The following EIF4G3 variants were observed in gnomAD, a reference collection of about 807,000 sequenced individuals.
EIF4G3 encodes eIF-4-gamma 3.
Under a neutral mutation model 186.4 loss-of-function variants are expected in EIF4G3, and 34 were observed. That is an observed-to-expected ratio of 0.18 (90% CI 0.14 to 0.24). EIF4G3 has a LOEUF of 0.24. EIF4G3 is among the 10% of genes least tolerant of loss of function. The probability of loss-of-function intolerance (pLI) is 1.00; values close to 1 mark genes in which losing one functional copy is unlikely to be tolerated. For synonymous variants in EIF4G3, 673 were observed against 679.5 expected (o/e 0.99, Z 0.15); for missense variants, 1,536 against 1,948.5 (o/e 0.79, Z 3.99).
intron 2 of EIF4G3, among the ~76,000 whole-genome samples, chr1:21,118,183 A>G (rs1473773276): frequency 6.6e-6 from 1 of 152,220 alleles, no homozygotes; most frequent in African/African-American, 2.4e-5. Context: ...TATGAAGTTA[A>G]CAGTTCATTG....
chr1:21,106,982 G>A (rs997273182), intron 2 of EIF4G3, among the ~76,000 whole-genome samples: 2 of 152,086 alleles, frequency 1.3e-5, no homozygotes, highest in Non-Finnish European at 1.5e-5. Context: ...TTTACACCAC[G>A]TGGGCTACTG....
chr1:21,158,616 A>G (rs2097703246), intron 2 of EIF4G3, among the ~76,000 whole-genome samples: 1 of 152,200 alleles, frequency 6.6e-6, no homozygotes, highest in Non-Finnish European at 1.5e-5. Context: ...TAACACCACT[A>G]AAACACAACA....
chr1:20,987,157 G>T (rs1228237414), intron 7 of EIF4G3, among the ~76,000 whole-genome samples: 1 of 152,092 alleles, frequency 6.6e-6, no homozygotes, highest in Non-Finnish European at 1.5e-5. Flanking sequence ...CATCAAAAAC[G>T]TCTAACAAAT....
At chr1:21,144,888 G>A (rs2097408365) in intron 2 of EIF4G3, among the ~76,000 whole-genome samples, 2 of 152,114 alleles carry the variant, frequency 1.3e-5, no homozygotes, top group South Asian at 4.1e-4. Context: ...CAGAACACTA[G>A]AAGAGGTAAC....
chr1:21,042,641 T>C (rs1288393099), intron 4 of EIF4G3, among the ~76,000 whole-genome samples: 1 of 152,084 alleles, frequency 6.6e-6, no homozygotes, highest in Non-Finnish European at 1.5e-5. Context: ...CTACAATAAA[T>C]CTGAAAAGAC....
intron 14 of EIF4G3, among the ~76,000 whole-genome samples, chr1:20,931,228 C>T (rs1420075372): frequency 1.3e-5 from 2 of 152,076 alleles, no homozygotes; most frequent in East Asian, 3.8e-4. Context: ...ACAGGAATCA[C>T]TATCTATGGC....
At chr1:21,154,292 AAAGT>A (rs1465063129) in intron 2 of EIF4G3, among the ~76,000 whole-genome samples, 11 of 152,234 alleles carry the variant, frequency 7.2e-5, no homozygotes, top group African/African-American at 1.9e-4. Flanking sequence ...AACAACAAGA[AAAGT>A]AAGTCAAGGG....
chr1:20,937,033 A>C (rs1330727154), intron 14 of EIF4G3, among the ~76,000 whole-genome samples: 1 of 152,184 alleles, frequency 6.6e-6, no homozygotes, highest in African/African-American at 2.4e-5. Flanking sequence ...AGGGTGTGCC[A>C]GTCTCTATAA....
chr1:20,967,904 C>G (rs988557564), intron 12 of EIF4G3, among the ~76,000 whole-genome samples: 3 of 152,164 alleles, frequency 2.0e-5, no homozygotes, highest in Non-Finnish European at 4.4e-5. Context: ...AGAGAGCAGC[C>G]CCCTACTCCT....
In EIF4G3 at chr1:20,849,753, T is replaced by C. The variant is rs75905391; in HGVS notation, c.3773-223A>G. On this transcript the variant is annotated intron_variant, in intron 28 of 36. Coordinates refer to ENST00000602326, the MANE Select transcript of EIF4G3 (RefSeq NM_001391906.1). ...AACAAGATTTAGGAACATGATAAAC[T>C]TTCCTAATTAAAGCTTTTTTGTTCC... Among the ~76,000 whole-genome samples the C allele has an allele frequency of 1.8e-3, 271 of 152,274 alleles. 9 individuals carry two copies. In the East Asian group the frequency reaches 0.049, roughly 27 times the overall value.
At chr1:21,002,990 C>CTTTTTTTTTT (rs5772933) in intron 4 of EIF4G3, among the ~76,000 whole-genome samples, 182 bp from the exon 5 acceptor site, 1 of 141,194 alleles carries the variant, frequency 7.1e-6, no homozygotes, top group Non-Finnish European at 1.5e-5. Context: ...CCTTTTCTTT[C>CTTTTTTTTTT]TTTTTTTTTT....
At chr1:20,828,352 A>G (rs2064208037) in intron 31 of EIF4G3, among the ~76,000 whole-genome samples, 1 of 152,142 alleles carries the variant, frequency 6.6e-6, no homozygotes, top group South Asian at 2.1e-4. Context: ...TTTTTAAGAA[A>G]GGAAGCTTTT....
intron 4 of EIF4G3, among the ~76,000 whole-genome samples, chr1:21,007,531 A>AAAAAAAAAAAAAAC (rs2085533731): frequency 7.0e-6 from 1 of 143,866 alleles, no homozygotes; most frequent in African/African-American, 2.5e-5. Context: ...AAAAAAAAAA[A>AAAAAAAAAAAAAAC]AAAAAACACA....
intron 2 of EIF4G3, among the ~76,000 whole-genome samples, chr1:21,139,353 G>A (rs964331569): frequency 6.6e-5 from 10 of 152,076 alleles, no homozygotes; most frequent in Admixed American, 2.6e-4. Context: ...ACATTGGGAG[G>A]CTGAGGCAGG....
chr1:21,132,844 A>G (rs975678472), intron 2 of EIF4G3, among the ~76,000 whole-genome samples: 1 of 152,174 alleles, frequency 6.6e-6, no homozygotes, highest in Non-Finnish European at 1.5e-5. Context: ...GTACAGTGGC[A>G]TGATCTTGGC....
intron 2 of EIF4G3, among the ~76,000 whole-genome samples, chr1:21,135,737 T>C (rs2097227848): frequency 6.6e-6 from 1 of 152,128 alleles, no homozygotes; most frequent in Non-Finnish European, 1.5e-5. Context: ...GGGAATGAAT[T>C]CATGTATAAC....
intron 16 of EIF4G3, 93 bp from the exon 17 acceptor site, chr1:20,895,594 A>C: frequency 7.6e-7 from 1 of 1,317,896 alleles, no homozygotes; most frequent in Non-Finnish European, 1.1e-6. Context: ...CAAACTGCAT[A>C]TACAACTGCA....
intron 14 of EIF4G3, among the ~76,000 whole-genome samples, chr1:20,926,851 G>A (rs183931243): frequency 6.6e-6 from 1 of 151,468 alleles, no homozygotes; most frequent in East Asian, 1.9e-4. Flanking sequence ...AAAGCTCTCG[G>A]GGATAACAGA....
At chr1:21,176,530 G>A (rs2098112575) in intron 1 of EIF4G3, among the ~76,000 whole-genome samples, 172 bp from the exon 2 acceptor site, 1 of 140,774 alleles carries the variant, frequency 7.1e-6, no homozygotes, top group Admixed American at 7.0e-5. Flanking sequence ...CCTGGGGGGA[G>A]GAGGAGGAGG....
Sources: gnomAD v4.1 joint callset for allele counts (sites outside exome capture counted in the v4.1 genomes callset) on GRCh38, gnomAD v4.1.1 for gene constraint, MANE v1.5 for transcripts, NCBI Gene and HGNC (gene_info 2026-07-23, HGNC 2026-07-21) for gene names.